Variants in EXT1 observed in about 807,000 individuals in gnomAD.
EXT1 encodes the protein exostosin-1.
A neutral mutation model predicts 82.5 loss-of-function variants in EXT1; 20 were observed. The observed-to-expected ratio is 0.24, with a 90% confidence interval of 0.17 to 0.35. EXT1 has a LOEUF of 0.35. EXT1 is among the 10% of genes least tolerant of loss of function. The probability of loss-of-function intolerance (pLI) is 1.00; values close to 1 mark genes in which losing one functional copy is unlikely to be tolerated. For missense variants in EXT1, 757 were observed against 936.5 expected (o/e 0.81, Z 2.50); for synonymous variants, 348 against 350.8 (o/e 0.99, Z 0.09).
chr8:117,872,474 A>G (rs1290662369), intron 1 of EXT1, among the ~76,000 whole-genome samples: 2 of 151,522 alleles, frequency 1.3e-5, no homozygotes, highest in Non-Finnish European at 2.9e-5. Context: ...TACAGATAAG[A>G]ACTCAGAATA....
intron 1 of EXT1, among the ~76,000 whole-genome samples, chr8:117,912,682 C>T (rs1464143287): frequency 6.6e-6 from 1 of 152,162 alleles, no homozygotes; most frequent in East Asian, 1.9e-4. Flanking sequence ...AGAGTGGATC[C>T]TGATCCCCTA....
chr8:118,003,073 T>C (rs1192260731), intron 1 of EXT1, among the ~76,000 whole-genome samples: 1 of 152,024 alleles, frequency 6.6e-6, no homozygotes, highest in Non-Finnish European at 1.5e-5. Context: ...TAGTCAGCCA[T>C]AACAAGAAAT....
intron 1 of EXT1, among the ~76,000 whole-genome samples, chr8:117,928,649 C>T (rs1311441847): frequency 6.6e-6 from 1 of 152,088 alleles, no homozygotes; most frequent in Non-Finnish European, 1.5e-5. Context: ...AGAGATCTTG[C>T]TTGCAACTGG....
intron 1 of EXT1, among the ~76,000 whole-genome samples, chr8:117,946,508 A>AGGTACAGACAGACCAGGGC (rs1219445875): frequency 6.6e-6 from 1 of 152,190 alleles, no homozygotes; most frequent in Non-Finnish European, 1.5e-5. Flanking sequence ...CAGAGAAGGA[A>AGGTACAGACAGACCAGGGC]GGTACAGACA....
chr8:117,921,151 T>C (rs1344984003), intron 1 of EXT1, among the ~76,000 whole-genome samples: 1 of 152,160 alleles, frequency 6.6e-6, no homozygotes, highest in African/African-American at 2.4e-5. Flanking sequence ...TAATGACTAA[T>C]AAAGGCTTTG....
intron 1 of EXT1, among the ~76,000 whole-genome samples, chr8:117,986,639 T>C (rs1453836785): frequency 6.6e-6 from 1 of 152,222 alleles, no homozygotes; most frequent in Non-Finnish European, 1.5e-5. Context: ...AACTTCAAAT[T>C]AACAATGAGA....
chr8:117,972,010 C>A (rs968348858), intron 1 of EXT1, among the ~76,000 whole-genome samples: 5 of 151,924 alleles, frequency 3.3e-5, no homozygotes, highest in Admixed American at 6.6e-5. Context: ...ATTAGCCGAG[C>A]GTGGTGGCGC....
At chr8:117,834,621 C>CACACACAT (rs112689318) in intron 3 of EXT1, among the ~76,000 whole-genome samples, 1 of 151,498 alleles carries the variant, frequency 6.6e-6, no homozygotes, top group Admixed American at 6.6e-5. Context: ...CACAAACACA[C>CACACACAT]ACACATACAC....
chr8:117,827,784 C>CAAAAAAAAAAAAAA lies in EXT1; in HGVS notation c.1284+2432_1284+2445dup, dbSNP rs768731740. On this transcript the variant is annotated intron_variant, in intron 4 of 10. Coordinates refer to ENST00000378204, the MANE Select transcript of EXT1 (RefSeq NM_000127.3). The stretch of plus-strand genomic sequence containing the variant: ...TGGGGGACAGGGTGAGACTCTGTCT[C>CAAAAAAAAAAAAAA]AAAAAAAAAAAAAAAAAAAAAAAAA... Among the ~76,000 whole-genome samples the CAAAAAAAAAAAAAA allele has an allele frequency of 7.8e-4, 42 of 54,138 alleles. 3 individuals are homozygous for CAAAAAAAAAAAAAA. The highest frequency in any genetic ancestry group is 3.0e-3 in the African/African-American group (38 of 12,556). The allele number at this position is 54,138 out of a possible 152,430, so 35.5% of individuals were successfully genotyped here. A position where few individuals can be genotyped will look rare whatever the true frequency, so the allele number is the denominator to read the frequency against.
At chr8:117,857,270 T>C (rs931920946) in intron 1 of EXT1, among the ~76,000 whole-genome samples, 3 of 152,134 alleles carry the variant, frequency 2.0e-5, no homozygotes, top group Non-Finnish European at 4.4e-5. Flanking sequence ...AGAAGTAATT[T>C]TGGGGCCAGG....
chr8:117,970,877 G>C (rs749439874), intron 1 of EXT1, among the ~76,000 whole-genome samples: 19 of 152,164 alleles, frequency 1.2e-4, no homozygotes, highest in African/African-American at 4.6e-4. Flanking sequence ...GGTGAATCCT[G>C]GGTAATCCGT....
chr8:118,099,516 G>C (rs1817678460), intron 1 of EXT1, among the ~76,000 whole-genome samples: 1 of 152,208 alleles, frequency 6.6e-6, no homozygotes, highest in Admixed American at 6.5e-5. Context: ...TTGTTTGTGA[G>C]TGTGTGGTCT....
chr8:118,079,655 GC>G (rs1554599285), intron 1 of EXT1, among the ~76,000 whole-genome samples: 1 of 141,836 alleles, frequency 7.1e-6, no homozygotes, highest in African/African-American at 2.7e-5. Context: ...TTCTAACACC[GC>G]CCCCACCCCC....
At chr8:117,852,426 A>G (rs1489998843) in intron 1 of EXT1, among the ~76,000 whole-genome samples, 1 of 152,172 alleles carries the variant, frequency 6.6e-6, no homozygotes, top group Non-Finnish European at 1.5e-5. Context: ...CCCATCTCAC[A>G]CACTACTTCC....
At chr8:118,010,660 C>A (rs1815881248) in intron 1 of EXT1, among the ~76,000 whole-genome samples, 1 of 152,190 alleles carries the variant, frequency 6.6e-6, no homozygotes, top group Non-Finnish European at 1.5e-5. Context: ...TTACGTGGCA[C>A]ATCACCTTGC....
At chr8:117,894,847 GTCCAGT>G (rs1458935937) in intron 1 of EXT1, among the ~76,000 whole-genome samples, 1 of 152,304 alleles carries the variant, frequency 6.6e-6, no homozygotes, top group East Asian at 1.9e-4. Flanking sequence ...TTCTCGCAAT[GTCCAGT>G]TTAGTCCTGG....
chr8:117,968,114 T>A (rs1814860270), intron 1 of EXT1, among the ~76,000 whole-genome samples: 1 of 152,104 alleles, frequency 6.6e-6, no homozygotes, highest in Non-Finnish European at 1.5e-5. Context: ...ATTTACTTTT[T>A]AAAATTTTTT....
intron 1 of EXT1, among the ~76,000 whole-genome samples, chr8:117,953,710 T>C (rs1586306333): frequency 6.6e-6 from 1 of 152,040 alleles, no homozygotes; most frequent in African/African-American, 2.4e-5. Context: ...ACATTTCTTA[T>C]AAAACCAATA....
intron 1 of EXT1, among the ~76,000 whole-genome samples, chr8:117,840,992 T>A (rs1812266512): frequency 1.3e-5 from 2 of 152,156 alleles, no homozygotes; most frequent in Non-Finnish European, 2.9e-5. Flanking sequence ...TGCAGCCACT[T>A]CGAAAAATAG....
Sources: gnomAD v4.1 joint callset for allele counts (sites outside exome capture counted in the v4.1 genomes callset) on GRCh38, gnomAD v4.1.1 for gene constraint, MANE v1.5 for transcripts, NCBI Gene and HGNC (gene_info 2026-07-23, HGNC 2026-07-21) for gene names.